The following FSTL5 variants were observed in gnomAD, a reference collection of about 807,000 sequenced individuals.
FSTL5 encodes follistatin like 5, also known as follistatin-related protein 5.
FSTL5 carries 62 observed loss-of-function variants against 89.1 expected under a neutral mutation model. The observed-to-expected ratio is 0.70, with a 90% CI of 0.57 to 0.86. The LOEUF (loss-of-function observed/expected upper bound fraction) is 0.86. FSTL5 is among the 40% of genes least tolerant of loss of function. The pLI is 0.00. For missense variants in FSTL5, 1,057 were observed against 1,001.6 expected, an observed-to-expected ratio of 1.06 and a Z score of -0.75; for synonymous variants, 383 against 346.2, an observed-to-expected ratio of 1.11 and a Z score of -1.18.
At chr4:161,438,413 G>C (rs988469056) in intron 15 of FSTL5, among the ~76,000 whole-genome samples, 11 of 151,856 alleles carry the variant, frequency 7.2e-5, no homozygotes, top group Admixed American at 2.6e-4. Flanking sequence ...CATTGTACTA[G>C]ATGCACTCAT....
intron 7 of FSTL5, among the ~76,000 whole-genome samples, chr4:161,633,525 T>A (rs1735573891): frequency 6.6e-6 from 1 of 151,974 alleles, no homozygotes; most frequent in African/African-American, 2.4e-5. Context: ...TTTTGTATTT[T>A]TAGTAGAAAC....
chr4:162,101,091 AG>A (rs1730979484), intron 2 of FSTL5, among the ~76,000 whole-genome samples: 1 of 152,342 alleles, frequency 6.6e-6, no homozygotes, highest in East Asian at 1.9e-4. Context: ...GCTAGCTCAA[AG>A]TCTTAGACTA....
intron 4 of FSTL5, among the ~76,000 whole-genome samples, chr4:161,831,868 A>G (rs1730857161): frequency 2.6e-5 from 4 of 151,748 alleles, no homozygotes; most frequent in African/African-American, 7.3e-5. Flanking sequence ...CATTCTTAGG[A>G]TTTTAGAGAA....
chr4:161,676,576 A>T (rs1234560582), intron 6 of FSTL5, among the ~76,000 whole-genome samples: 1 of 152,092 alleles, frequency 6.6e-6, no homozygotes, highest in South Asian at 2.1e-4. Flanking sequence ...TGGGTGCAGC[A>T]AACTACCATG....
In FSTL5 at chr4:162,040,031, T is replaced by C. The variant is rs149659781; in HGVS notation, c.127-6373A>G. Among the ~76,000 whole-genome samples the C allele has an allele frequency of 1.8e-4, 27 of 152,126 alleles. No homozygotes were observed. In the East Asian group the frequency reaches 5.2e-3, roughly 29 times the overall value. ...TGGATAAAAATAAAGTTTATAAAAA[T>C]ATAAATTTTGTGGGAAATATACATA... is the stretch of plus-strand genomic sequence containing the variant. On this transcript the variant is annotated intron_variant, in intron 2 of 15. Coordinates refer to ENST00000306100, the MANE Select transcript of FSTL5 (RefSeq NM_020116.5).
chr4:161,936,145 C>T (rs1252488918), intron 3 of FSTL5, among the ~76,000 whole-genome samples: 2 of 152,086 alleles, frequency 1.3e-5, no homozygotes, highest in Admixed American at 6.6e-5. Flanking sequence ...AACTATTTTA[C>T]CCAATACAGA....
At chr4:161,463,995 T>C (rs188043012) in intron 13 of FSTL5, among the ~76,000 whole-genome samples, 3 of 152,294 alleles carry the variant, frequency 2.0e-5, no homozygotes, top group Non-Finnish European at 4.4e-5. Context: ...CTGAGTGATT[T>C]TTTTTTTCAT....
intron 8 of FSTL5, among the ~76,000 whole-genome samples, chr4:161,584,218 C>T (rs757904246): frequency 7.2e-5 from 11 of 152,162 alleles, no homozygotes; most frequent in Non-Finnish European, 1.2e-4. Flanking sequence ...ACAAACTCTT[C>T]ACTTTCAACC....
intron 12 of FSTL5, among the ~76,000 whole-genome samples, chr4:161,487,555 A>T (rs1184183837): frequency 1.3e-5 from 2 of 152,120 alleles, no homozygotes; most frequent in Non-Finnish European, 2.9e-5. Flanking sequence ...TGCCTGGAGG[A>T]TTTCATGTAG....
intron 5 of FSTL5, among the ~76,000 whole-genome samples, chr4:161,771,673 G>T (rs1741215328): frequency 6.6e-6 from 1 of 152,008 alleles, no homozygotes; most frequent in South Asian, 2.1e-4. Context: ...CCCTTCTTCA[G>T]TTATAACCTG....
At chr4:161,661,525 T>C (rs1736710521) in intron 6 of FSTL5, among the ~76,000 whole-genome samples, 2 of 152,134 alleles carry the variant, frequency 1.3e-5, no homozygotes, top group South Asian at 4.1e-4. Context: ...TGGAATAAAT[T>C]AGTTATTCTC....
chr4:161,510,854 A>G (rs1047832299), intron 10 of FSTL5, among the ~76,000 whole-genome samples: 1 of 151,912 alleles, frequency 6.6e-6, no homozygotes, highest in African/African-American at 2.4e-5. Flanking sequence ...TTCACATAAT[A>G]TGAAATATTC....
intron 15 of FSTL5, among the ~76,000 whole-genome samples, chr4:161,430,018 A>C (rs1184098262): frequency 6.6e-6 from 1 of 152,166 alleles, no homozygotes; most frequent in Non-Finnish European, 1.5e-5. Flanking sequence ...TCAGAATCCT[A>C]TCAGGTAAAT....
chr4:161,439,027 G>A (rs965289412), intron 15 of FSTL5, among the ~76,000 whole-genome samples: 2 of 151,540 alleles, frequency 1.3e-5, no homozygotes, highest in Non-Finnish European at 1.5e-5. Context: ...AATAATAAAT[G>A]AGCATGCTTA....
At chr4:161,854,397 T>C (rs759469342) in intron 4 of FSTL5, among the ~76,000 whole-genome samples, 2 of 152,182 alleles carry the variant, frequency 1.3e-5, no homozygotes, top group Non-Finnish European at 2.9e-5. Flanking sequence ...TCAATGAGTA[T>C]TGTGAACTAC....
chr4:162,146,420 A>G (rs887645188), intron 1 of FSTL5, among the ~76,000 whole-genome samples: 2 of 152,006 alleles, frequency 1.3e-5, no homozygotes, highest in Non-Finnish European at 2.9e-5. Context: ...GAACCTTTTT[A>G]TAACATGTTT....
chr4:161,707,145 A>G (rs567204211), intron 6 of FSTL5, among the ~76,000 whole-genome samples: 1 of 152,040 alleles, frequency 6.6e-6, no homozygotes, highest in South Asian at 2.1e-4. Flanking sequence ...AGAGAAAAAC[A>G]TCTTTCTAGA....
chr4:161,559,538 C>A (rs1560953322), intron 8 of FSTL5, among the ~76,000 whole-genome samples: 4 of 151,884 alleles, frequency 2.6e-5, no homozygotes, highest in Admixed American at 1.3e-4. Context: ...GGTTGAAAAG[C>A]TAAAACATAC....
chr4:161,694,075 AC>A (rs1343569967), intron 6 of FSTL5, among the ~76,000 whole-genome samples: 1 of 145,580 alleles, frequency 6.9e-6, no homozygotes, highest in Non-Finnish European at 1.5e-5. Context: ...CAAAGAACCA[AC>A]TTTTAGGTTT....
Sources: allele counts gnomAD v4.1 joint callset (sites outside exome capture counted in the v4.1 genomes callset), GRCh38; gene constraint gnomAD v4.1.1; transcripts MANE v1.5; gene names NCBI Gene and HGNC (gene_info 2026-07-23, HGNC 2026-07-21).